The following UBE2E2 variants were observed in gnomAD, a reference collection of about 807,000 sequenced individuals.
UBE2E2 encodes ubiquitin conjugating enzyme E2 E2.
Under a neutral mutation model 24.7 loss-of-function variants are expected in UBE2E2, and 6 were observed. That is an observed-to-expected ratio of 0.24 (90% CI 0.13 to 0.48). UBE2E2 has a LOEUF of 0.48. Ranked by LOEUF, UBE2E2 falls within the 20% of genes least tolerant of loss-of-function variation. The pLI is 0.99. For missense variants in UBE2E2, 169 were observed against 245.0 expected (o/e 0.69, Z 2.07); for synonymous variants, 104 against 83.6 (o/e 1.24, Z -1.33).
chr3:23,562,116 G>C (rs1257456554), intron 5 of UBE2E2, among the ~76,000 whole-genome samples: 4 of 152,130 alleles, frequency 2.6e-5, no homozygotes, highest in Non-Finnish European at 4.4e-5. Flanking sequence ...TTGAATAGGA[G>C]TGGTGGGAGA....
intron 3 of UBE2E2, among the ~76,000 whole-genome samples, chr3:23,283,215 T>G (rs1022942617): frequency 2.7e-5 from 4 of 150,118 alleles, no homozygotes; most frequent in Admixed American, 1.3e-4. Flanking sequence ...GTAAAAAACT[T>G]TTTTTTTTTC....
chr3:23,495,211 C>T (rs934223353), intron 3 of UBE2E2, among the ~76,000 whole-genome samples: 2 of 152,162 alleles, frequency 1.3e-5, no homozygotes, highest in African/African-American at 4.8e-5. Flanking sequence ...ACTACATAGA[C>T]AGCTGACTGA....
intron 3 of UBE2E2, among the ~76,000 whole-genome samples, chr3:23,296,689 T>A (rs1017705726): frequency 1.3e-5 from 2 of 152,250 alleles, no homozygotes; most frequent in African/African-American, 4.8e-5. Flanking sequence ...GTGCCACATT[T>A]TCTTAATCCA....
intron 3 of UBE2E2, among the ~76,000 whole-genome samples, chr3:23,415,945 C>T (rs1697618689): frequency 6.6e-6 from 1 of 151,878 alleles, no homozygotes; most frequent in Admixed American, 6.6e-5. Context: ...CTCCCTGTGT[C>T]CATGTGTTCT....
intron 3 of UBE2E2, among the ~76,000 whole-genome samples, chr3:23,355,811 C>G (rs1695929423): frequency 6.6e-6 from 1 of 152,182 alleles, no homozygotes; most frequent in South Asian, 2.1e-4. Flanking sequence ...AAGAACTATG[C>G]TACGATTCAT....
rs146372869 is a variant in UBE2E2 at position 23,426,233 on chromosome 3, A to C, written c.228-73375A>C. On this transcript the variant is annotated intron_variant, in intron 3 of 5. Coordinates refer to ENST00000396703, the MANE Select transcript of UBE2E2 (RefSeq NM_152653.4). ...GAAAAAAGACTGAAATAAACTGAACAGAATATCCAAGAACTGTGGAACAAC... is the reference window on the plus strand; with the variant it reads ...GAAAAAAGACTGAAATAAACTGAACCGAATATCCAAGAACTGTGGAACAAC... Among the ~76,000 whole-genome samples the C allele has an allele frequency of 1.4e-3, 213 of 152,320 alleles. 2 individuals carry two copies. Among genetic ancestry groups the C allele is most frequent in the East Asian group, 1.7e-3 (9 of 5,172 alleles).
At chr3:23,341,462 T>G (rs1695385868) in intron 3 of UBE2E2, among the ~76,000 whole-genome samples, 1 of 152,196 alleles carries the variant, frequency 6.6e-6, no homozygotes, top group Non-Finnish European at 1.5e-5. Context: ...CTGGTAGTTA[T>G]AAATACAGTA....
At chr3:23,253,421 GAT>G (rs1211723456) in intron 3 of UBE2E2, among the ~76,000 whole-genome samples, 3 of 152,168 alleles carry the variant, frequency 2.0e-5, no homozygotes, top group Admixed American at 6.5e-5. Flanking sequence ...AGGCATGTGG[GAT>G]ATGTGTTCAG....
rs1695668052 is a variant in UBE2E2, at chr3:23,552,448, A to C, written c.508+19747A>C. Among the ~76,000 whole-genome samples the C allele has an allele frequency of 2.0e-5, 3 of 152,152 alleles. No individual in the cohort carries two copies. In the South Asian group the frequency reaches 6.2e-4, roughly 32 times the overall value. ...AGGGTGTTGAGTAGATCTGGATTTCATGATAAGCGCCTGTTTAACTAAACT... is the reference window on the plus strand; with the variant it reads ...AGGGTGTTGAGTAGATCTGGATTTCCTGATAAGCGCCTGTTTAACTAAACT... On this transcript the variant is annotated intron_variant, in intron 5 of 5. Transcript: ENST00000396703.
At chr3:23,486,664 C>G (rs975271675) in intron 3 of UBE2E2, among the ~76,000 whole-genome samples, 9 of 152,110 alleles carry the variant, frequency 5.9e-5, no homozygotes, top group Admixed American at 4.6e-4. Context: ...CAGAGAGAAG[C>G]TTTATTGAGT....
chr3:23,315,197 T>C (rs574984042), intron 3 of UBE2E2, among the ~76,000 whole-genome samples: 1 of 152,178 alleles, frequency 6.6e-6, no homozygotes, highest in South Asian at 2.1e-4. Flanking sequence ...TCCCCTCCCC[T>C]TTCCCCAGGC....
intron 4 of UBE2E2, among the ~76,000 whole-genome samples, chr3:23,500,593 C>T (rs1416763208): frequency 6.6e-6 from 1 of 152,172 alleles, no homozygotes; most frequent in East Asian, 1.9e-4. Context: ...CTTAACGTCA[C>T]AATGCACAGG....
At chr3:23,224,156 GTT>G (rs531661466) in intron 3 of UBE2E2, among the ~76,000 whole-genome samples, 68 of 93,690 alleles carry the variant, frequency 7.3e-4, no homozygotes, top group South Asian at 2.1e-3. Flanking sequence ...TAAATTTTAG[GTT>G]TTTTTTTTTT....
chr3:23,358,753 G>A (rs913010037), intron 3 of UBE2E2, among the ~76,000 whole-genome samples: 2 of 152,136 alleles, frequency 1.3e-5, no homozygotes, highest in African/African-American at 2.4e-5. Context: ...TTCTTGCTAT[G>A]GAAAGCAAAA....
intron 3 of UBE2E2, among the ~76,000 whole-genome samples, chr3:23,483,034 G>T (rs1269186626): frequency 1.3e-5 from 2 of 152,136 alleles, no homozygotes; most frequent in Admixed American, 6.5e-5. Context: ...ATTGGCACTT[G>T]TTTGTAATTC....
Position 23,533,368 on chromosome 3 carries a change from A to T in UBE2E2, c.508+667A>T, listed in dbSNP as rs144690692. Among the ~76,000 whole-genome samples, 390 of 152,272 alleles carry T rather than the reference A, an allele frequency of 2.6e-3. 1 individual carries two copies. The highest frequency in any genetic ancestry group is 4.4e-3 in the Non-Finnish European group (301 of 68,018). On this transcript the variant is annotated intron_variant, in intron 5 of 5. Coordinates refer to ENST00000396703, the MANE Select transcript of UBE2E2 (RefSeq NM_152653.4). ...AAAGATAGCTATAGGGTTTTCATTG[A>T]TGTTCTCAGTGGGAGAATTATTTTA...
intron 3 of UBE2E2, among the ~76,000 whole-genome samples, chr3:23,369,251 G>A (rs1696337247): frequency 6.6e-6 from 1 of 152,158 alleles, no homozygotes; most frequent in African/African-American, 2.4e-5. Flanking sequence ...ACACAGCTTT[G>A]TGGTCCCAGG....
In UBE2E2 at chr3:23,216,165, C is replaced by T. The variant is rs1004450055; in HGVS notation, c.177-1097C>T. Among the ~76,000 whole-genome samples the T allele has an allele frequency of 4.6e-5, 7 of 152,018 alleles. No individual in the cohort carries two copies. In the East Asian group the frequency reaches 7.7e-4, roughly 17 times the overall value. On this transcript the variant is annotated intron_variant, in intron 2 of 5. Transcript: ENST00000396703. ...TTTTTTTGACTTTGAATTTCTTAGC[C>T]GTGCTCTGATTCATAATGCCTCGCC...
chr3:23,428,661 C>G (rs1391648559), intron 3 of UBE2E2, among the ~76,000 whole-genome samples: 1 of 151,916 alleles, frequency 6.6e-6, no homozygotes, highest in Non-Finnish European at 1.5e-5. Context: ...AGAGAGAAGA[C>G]ACACGTTACT....
Sources: allele counts gnomAD v4.1 joint callset (sites outside exome capture counted in the v4.1 genomes callset), GRCh38; gene constraint gnomAD v4.1.1; transcripts MANE v1.5; gene names NCBI Gene and HGNC (gene_info 2026-07-23, HGNC 2026-07-21).